Variants in FGF10 observed in about 807,000 individuals in gnomAD.
FGF10 encodes the protein fibroblast growth factor 10.
FGF10 carries 2 observed loss-of-function variants against 19.8 expected under a neutral mutation model. The observed-to-expected ratio is 0.10, with a 90% confidence interval of 0.04 to 0.32. The LOEUF is 0.32. Among genes scored for constraint, FGF10 ranks in the 10% least tolerant of loss-of-function variants. The pLI is 1.00. For missense variants in FGF10, 191 were observed against 246.3 expected, an observed-to-expected ratio of 0.78 and a Z score of 1.50; for synonymous variants, 112 against 94.0, an observed-to-expected ratio of 1.19 and a Z score of -1.10.
chr5:44,363,739 A>C (rs942706532), intron 1 of FGF10, among the ~76,000 whole-genome samples: 2 of 151,898 alleles, frequency 1.3e-5, no homozygotes, highest in Non-Finnish European at 2.9e-5. Context: ...TATTTGTCCT[A>C]TGTCATTAAG....
At chr5:44,380,464 C>T (rs948622802) in intron 1 of FGF10, among the ~76,000 whole-genome samples, 9 of 152,158 alleles carry the variant, frequency 5.9e-5, no homozygotes, top group Admixed American at 5.2e-4. Flanking sequence ...ATACGTATTT[C>T]TATATTTGTT....
chr5:44,349,448 ATAT>A (rs1421511856), intron 1 of FGF10, among the ~76,000 whole-genome samples: 1 of 11,892 alleles, frequency 8.4e-5, no homozygotes, highest in African/African-American at 2.2e-4. Context: ...ATATATATAT[ATAT>A]ATATATATAT....
chr5:44,302,282 GCTTCCTTCCTTCCTTCCTTCCTTCCTTC>G lies in FGF10; in HGVS notation c.*2685_*2712del, dbSNP rs56194673. ...TCTTTCCTTCCTTCCTTCTTTCCTTGCTTCCTTCCTTCCTTCCTTCCTTCCTTCCTTCCTTCCTTCCTTCCTTCCTGTC... is the reference window on the plus strand; with the variant it reads ...TCTTTCCTTCCTTCCTTCTTTCCTTGCTTCCTTCCTTCCTTCCTTCCTGTC... On this transcript the variant is annotated 3_prime_UTR_variant, in exon 3 of 3. Transcript: ENST00000264664. Among the ~76,000 whole-genome samples the G allele has an allele frequency of 1.7e-3, 203 of 122,208 alleles. No individual in the cohort carries two copies. Among genetic ancestry groups the G allele is most frequent in the Non-Finnish European group, 2.7e-3 (160 of 59,310 alleles). 80.2% of individuals were successfully genotyped at this position (122,208 alleles called of 152,430 possible).
intron 1 of FGF10, among the ~76,000 whole-genome samples, chr5:44,322,990 G>A (rs762445062): frequency 3.3e-5 from 5 of 152,010 alleles, no homozygotes; most frequent in Non-Finnish European, 7.4e-5. Flanking sequence ...AAAAAGTTGG[G>A]GAACACTGCT....
intron 1 of FGF10, among the ~76,000 whole-genome samples, chr5:44,353,178 T>C (rs1390068402): frequency 6.6e-6 from 1 of 151,640 alleles, no homozygotes; most frequent in Non-Finnish European, 1.5e-5. Flanking sequence ...TTAGTTAATA[T>C]TAGATTCCCA....
At chr5:44,380,788 C>G (rs1317194341) in intron 1 of FGF10, among the ~76,000 whole-genome samples, 2 of 152,134 alleles carry the variant, frequency 1.3e-5, no homozygotes, top group Non-Finnish European at 2.9e-5. Flanking sequence ...TGAGACAAGC[C>G]TGGGCAACAT....
chr5:44,377,761 G>A (rs1741898893), intron 1 of FGF10, among the ~76,000 whole-genome samples: 1 of 152,214 alleles, frequency 6.6e-6, no homozygotes, highest in Admixed American at 6.5e-5. Context: ...TATACATAAT[G>A]TGATATCTTG....
intron 1 of FGF10, among the ~76,000 whole-genome samples, chr5:44,387,541 G>A (rs1414204710): frequency 6.6e-6 from 1 of 152,210 alleles, no homozygotes; most frequent in African/African-American, 2.4e-5. Context: ...TTACAATGCT[G>A]TAGTAGTATG....
At chr5:44,386,262 G>A (rs1742094730) in intron 1 of FGF10, among the ~76,000 whole-genome samples, 1 of 152,044 alleles carries the variant, frequency 6.6e-6, no homozygotes, top group Non-Finnish European at 1.5e-5. Context: ...TTTAGGTTGT[G>A]TAAACTAAAA....
At position 44,388,607 on chromosome 5, in the gene FGF10, A is replaced by G; in HGVS notation, c.76T>C (p.Leu26=). The G allele has an allele frequency of 1.2e-6, 2 of 1,614,174 alleles. No individual in the cohort carries two copies. The highest frequency in any genetic ancestry group is 1.6e-4 in the Middle Eastern group (1 of 6,062). Residue 26 remains leucine, a synonymous_variant, in exon 1 of 3, where the codon TTG becomes CTG. Transcript: ENST00000264664. Reference sequence around the variant, plus strand: ...GGGACGGAAGACACCAAGAACAGCAACAAAAAGCAGCAGCAGCAGCAGCCG... The same window carrying G: ...GGGACGGAAGACACCAAGAACAGCAGCAAAAAGCAGCAGCAGCAGCAGCCG... ...LPGCCCCCFL[L]LFLVSSVPVT...
chr5:44,305,035 T>G lies in FGF10; in HGVS notation c.587A>C (p.Asn196Thr). ...CATTGGAAGAAAGTGAGCAGAGGTG[T>G]TTTTCCTTCGTGTTTTCTGTCCTCT... ...PRRGQKTRRK[N>T]TSAHFLPMVV... The change falls in exon 3 of 3, where the codon AAC (asparagine) becomes ACC (threonine). Residue 196 changes from asparagine (N) to threonine (T), a missense_variant. Physicochemically the swap from Asn to Thr is moderately conservative, Grantham distance 65 (BLOSUM62 0). Around this residue, in one of 2 missense-constraint regions of FGF10, gnomAD observed 99 missense variants for 161.7 expected, o/e 0.61. Transcript: ENST00000264664. 1 of 1,613,954 alleles carries G rather than the reference T, an allele frequency of 6.2e-7. No homozygotes were observed. Among genetic ancestry groups the G allele is most frequent in the Admixed American group, 1.7e-5 (1 of 60,016 alleles).
intron 1 of FGF10, among the ~76,000 whole-genome samples, chr5:44,350,128 A>T (rs58747839): frequency 0.018 from 2,788 of 151,118 alleles, 78 homozygotes; most frequent in African/African-American, 0.062. Flanking sequence ...ATCAAACAGG[A>T]TTATTGTGAA....
rs764913349 is a variant in FGF10 at position 44,376,490 on chromosome 5, C to CAAAAAAAAAAAAAAAAAAAAA, written c.325+11847_325+11867dup. On this transcript the variant is annotated intron_variant, in intron 1 of 2. Transcript: ENST00000264664. ...CTAAGACAAGTTAGAATACAAATGC[C>CAAAAAAAAAAAAAAAAAAAAA]AAAAAAAAAAAAAAAAAAAAAAAAA... Among the ~76,000 whole-genome samples, 46 of 34,524 alleles carry CAAAAAAAAAAAAAAAAAAAAA rather than the reference C, an allele frequency of 1.3e-3. 7 individuals are homozygous for CAAAAAAAAAAAAAAAAAAAAA. The highest frequency in any genetic ancestry group is 4.3e-3 in the East Asian group (2 of 464). The allele number at this position is 34,524 out of a possible 152,430, so 22.6% of individuals were successfully genotyped here.
At chr5:44,379,831 C>T (rs1273233001) in intron 1 of FGF10, among the ~76,000 whole-genome samples, 4 of 152,194 alleles carry the variant, frequency 2.6e-5, no homozygotes, top group East Asian at 3.9e-4. Context: ...AGCATCTCCT[C>T]CTCCTTTCAC....
At chr5:44,382,528 G>A (rs149097103) in intron 1 of FGF10, among the ~76,000 whole-genome samples, 209 of 152,184 alleles carry the variant, frequency 1.4e-3, no homozygotes, top group South Asian at 0.011. Flanking sequence ...GCTATTCTTT[G>A]TTGTACTGAC....
chr5:44,374,472 G>A (rs1000009019), intron 1 of FGF10, among the ~76,000 whole-genome samples: 1 of 152,032 alleles, frequency 6.6e-6, no homozygotes, highest in African/African-American at 2.4e-5. Flanking sequence ...TACACTCCAG[G>A]AATCTGGTCC....
At chr5:44,381,494 CAAG>C (rs1741981573) in intron 1 of FGF10, among the ~76,000 whole-genome samples, 2 of 150,936 alleles carry the variant, frequency 1.3e-5, no homozygotes, top group South Asian at 4.2e-4. Flanking sequence ...CACACAAAAC[CAAG>C]AAGGTGAAAA....
At position 44,388,344 on chromosome 5, in the gene FGF10, C is replaced by T; in HGVS notation, c.325+14G>A. On this transcript the variant is annotated intron_variant, in intron 1 of 2. Transcript: ENST00000264664. ...GGATAATTGGAAGGAGGGGAGCATGCATTTGTTACTTACTGTACGGGCAGT... is the reference window on the plus strand; with the variant it reads ...GGATAATTGGAAGGAGGGGAGCATGTATTTGTTACTTACTGTACGGGCAGT... 3 of 1,610,784 alleles carry T rather than the reference C, an allele frequency of 1.9e-6. No individual in the cohort carries two copies. Among genetic ancestry groups the T allele is most frequent in the Middle Eastern group, 2.0e-4 (1 of 5,024 alleles).
intron 1 of FGF10, among the ~76,000 whole-genome samples, chr5:44,333,257 A>T (rs891127134): frequency 2.0e-5 from 3 of 152,128 alleles, no homozygotes; most frequent in African/African-American, 7.2e-5. Context: ...TGGAACACTG[A>T]GTATATATAG....
Sources: gnomAD v4.1 joint callset for allele counts (sites outside exome capture counted in the v4.1 genomes callset) on GRCh38, gnomAD v4.1.1 for gene constraint, gnomAD v4.1.1 regional missense constraint, MANE v1.5 for transcripts, NCBI Gene and HGNC (gene_info 2026-07-23, HGNC 2026-07-21) for gene names.